Variants in UBE2QL1 observed in about 807,000 individuals in gnomAD.
The protein encoded by UBE2QL1 is ubiquitin conjugating enzyme E2 QL1, also known as ubiquitin-conjugating enzyme E2Q-like protein 1.
A neutral mutation model predicts 12.6 loss-of-function variants in UBE2QL1; 5 were observed. The observed-to-expected ratio is 0.40, with a 90% CI of 0.21 to 0.83. The LOEUF (loss-of-function observed/expected upper bound fraction) is 0.83. UBE2QL1 is among the 40% of genes least tolerant of loss of function. UBE2QL1 has a pLI of 0.37. For missense variants in UBE2QL1, 99 were observed against 222.6 expected (o/e 0.44, Z 3.53); for synonymous variants, 96 against 94.5 (o/e 1.02, Z -0.10).
chr5:6,473,091 C>G (rs1223754930), intron 1 of UBE2QL1, among the ~76,000 whole-genome samples: 3 of 152,188 alleles, frequency 2.0e-5, no homozygotes, highest in African/African-American at 7.2e-5. Context: ...GCTCAGTTCC[C>G]CAATTTTCCT....
chr5:6,458,591 T>C (rs974072077), intron 1 of UBE2QL1, among the ~76,000 whole-genome samples: 14 of 152,230 alleles, frequency 9.2e-5, no homozygotes, highest in African/African-American at 3.4e-4. Context: ...TCAGATTGGG[T>C]GCCCATATTG....
At chr5:6,480,343 A>G (rs1004428062) in intron 1 of UBE2QL1, among the ~76,000 whole-genome samples, 2 of 152,222 alleles carry the variant, frequency 1.3e-5, no homozygotes, top group Non-Finnish European at 2.9e-5. Context: ...GGAGTGTCTC[A>G]GTATGGTTCA....
chr5:6,489,344 A>T (rs1734521846), intron 1 of UBE2QL1, among the ~76,000 whole-genome samples: 1 of 152,046 alleles, frequency 6.6e-6, no homozygotes, highest in African/African-American at 2.4e-5. Context: ...GGATTGTTTG[A>T]GCCCAGGAGT....
In UBE2QL1 at chr5:6,495,782, C is replaced by G. The variant is rs552409118; in HGVS notation, c.*4433C>G. Among the ~76,000 whole-genome samples the G allele has an allele frequency of 2.6e-5, 4 of 152,294 alleles. No homozygotes were observed. The highest frequency in any genetic ancestry group is 9.6e-5 in the African/African-American group (4 of 41,556). On this transcript the variant is annotated 3_prime_UTR_variant, in exon 2 of 2. Coordinates refer to ENST00000399816, the MANE Select transcript of UBE2QL1 (RefSeq NM_001145161.3). ...ACTTTGTAATTTTTTTCTCCAAAGA[C>G]AGTGAAATCATGTACAGCTCTGTTC...
intron 1 of UBE2QL1, 94 bp downstream of exon 1, chr5:6,449,341 G>C: frequency 8.5e-7 from 1 of 1,181,056 alleles, no homozygotes; most frequent in Non-Finnish European, 1.1e-6. Context: ...GCCAGCGCCG[G>C]CCCCTCCGGC....
At chr5:6,461,664 G>T (rs1317018558) in intron 1 of UBE2QL1, among the ~76,000 whole-genome samples, 1 of 151,880 alleles carries the variant, frequency 6.6e-6, no homozygotes, top group Non-Finnish European at 1.5e-5. Context: ...TACTGATCTA[G>T]GTTTGTAATA....
At position 6,461,076 on chromosome 5, in the gene UBE2QL1, G is replaced by A. The variant is rs868611912; in HGVS notation, c.354+11829G>A. On this transcript the variant is annotated intron_variant, in intron 1 of 1. Transcript: ENST00000399816. Reference sequence around the variant, plus strand: ...TCCTTTCTAATATTAATACTTTTACGAAAGATCCTTTCTTTAGTAGAATTT... The same window carrying A: ...TCCTTTCTAATATTAATACTTTTACAAAAGATCCTTTCTTTAGTAGAATTT... Among the ~76,000 whole-genome samples, 18 of 152,242 alleles carry A rather than the reference G, an allele frequency of 1.2e-4. No homozygotes were observed. The South Asian group carries it at 1.9e-3, about 16-fold the overall frequency.
In UBE2QL1 at chr5:6,478,087, A is replaced by G. The variant is rs1384900236; in HGVS notation, c.355-13131A>G. Reference sequence around the variant, plus strand: ...AAGTAAATAATCCATGTAGAGTCTTATTATTGCTGTGCTTTATTGCAAAAA... The same window carrying G: ...AAGTAAATAATCCATGTAGAGTCTTGTTATTGCTGTGCTTTATTGCAAAAA... On this transcript the variant is annotated intron_variant, in intron 1 of 1. Coordinates refer to ENST00000399816, the MANE Select transcript of UBE2QL1 (RefSeq NM_001145161.3). This position sits in a 1 kb window ranked among gnomAD's most constrained non-coding sequence, Gnocchi z 4.5. Among the ~76,000 whole-genome samples, 2 of 152,212 alleles carry G rather than the reference A, an allele frequency of 1.3e-5. No individual in the cohort carries two copies. The highest frequency in any genetic ancestry group is 2.4e-5 in the African/African-American group (1 of 41,458).
Position 6,496,608 on chromosome 5 carries a change from C to T in UBE2QL1, c.*5259C>T, listed in dbSNP as rs1375688795. 3.3e-5 allele frequency among the ~76,000 whole-genome samples: 5 copies of T among 152,080 alleles called. No homozygotes were observed. The highest frequency in any genetic ancestry group is 1.2e-4 in the African/African-American group (5 of 41,392). Reference sequence around the variant, plus strand: ...ATCAACAGGAAAGAAATGTTTACCACTGGAAGATGGTGAGTGCATGAGTCA... The same window carrying T: ...ATCAACAGGAAAGAAATGTTTACCATTGGAAGATGGTGAGTGCATGAGTCA... On this transcript the variant is annotated 3_prime_UTR_variant, in exon 2 of 2. Transcript: ENST00000399816.
chr5:6,456,838 G>C (rs1367914969), intron 1 of UBE2QL1, among the ~76,000 whole-genome samples: 2 of 152,124 alleles, frequency 1.3e-5, no homozygotes, highest in African/African-American at 4.8e-5. Flanking sequence ...GTCTGCAGAA[G>C]CCAGAAGAAG....
intron 1 of UBE2QL1, among the ~76,000 whole-genome samples, chr5:6,466,724 A>T (rs950919246): frequency 2.6e-5 from 4 of 152,252 alleles, no homozygotes; most frequent in African/African-American, 9.6e-5. Context: ...CTTTCTGGTG[A>T]TGCTGACTGC....
rs1398037284 is a variant in UBE2QL1 at position 6,479,658 on chromosome 5, C to T, written c.355-11560C>T. 6.6e-6 allele frequency among the ~76,000 whole-genome samples: 1 copy of T among 152,202 alleles called. No homozygotes were observed. The highest frequency in any genetic ancestry group is 1.5e-5 in the Non-Finnish European group (1 of 68,036). The stretch of plus-strand genomic sequence containing the variant: ...TGATCTCACAAGGAGAAAACACAGA[C>T]CGGGGGTCTCCTTTGTGCTGAGTAA... On this transcript the variant is annotated intron_variant, in intron 1 of 1. Coordinates refer to ENST00000399816, the MANE Select transcript of UBE2QL1 (RefSeq NM_001145161.3). This position sits in a 1 kb window ranked among gnomAD's most constrained non-coding sequence, Gnocchi z 4.2.
intron 1 of UBE2QL1, among the ~76,000 whole-genome samples, chr5:6,468,691 C>G (rs143236116): frequency 6.6e-6 from 1 of 152,152 alleles, no homozygotes; most frequent in Admixed American, 6.5e-5. Flanking sequence ...TTCTGAAAGC[C>G]TTCAATTCTA....
intron 1 of UBE2QL1, among the ~76,000 whole-genome samples, chr5:6,455,024 T>TG (rs1300858315): frequency 6.6e-6 from 1 of 152,094 alleles, no homozygotes; most frequent in Non-Finnish European, 1.5e-5. Flanking sequence ...CCGGGGTGCA[T>TG]GGGGCAGCTC....
At chr5:6,463,510 C>G (rs929209242) in intron 1 of UBE2QL1, among the ~76,000 whole-genome samples, 1 of 151,876 alleles carries the variant, frequency 6.6e-6, no homozygotes, top group African/African-American at 2.4e-5. Flanking sequence ...ATCACCACCC[C>G]CTCCCCACAT....
intron 1 of UBE2QL1, among the ~76,000 whole-genome samples, chr5:6,467,586 G>A (rs528084455): frequency 6.6e-6 from 1 of 152,270 alleles, no homozygotes; most frequent in East Asian, 1.9e-4. Context: ...GAGGTGCTGA[G>A]GGCTGGGACT....
At chr5:6,465,530 A>G (rs1739766398) in intron 1 of UBE2QL1, among the ~76,000 whole-genome samples, 1 of 152,176 alleles carries the variant, frequency 6.6e-6, no homozygotes, top group African/African-American at 2.4e-5. Context: ...ACCCAATCTC[A>G]GGATCCAGTG....
intron 1 of UBE2QL1, among the ~76,000 whole-genome samples, chr5:6,489,424 TAAAAAA>T (rs755544915): frequency 9.2e-6 from 1 of 108,530 alleles, no homozygotes; most frequent in South Asian, 2.5e-4. Flanking sequence ...ATCCTGTCTG[TAAAAAA>T]AAAAAAGAAA....
chr5:6,469,628 G>A (rs1739867591), intron 1 of UBE2QL1, among the ~76,000 whole-genome samples: 1 of 150,294 alleles, frequency 6.7e-6, no homozygotes, highest in South Asian at 2.1e-4. Flanking sequence ...GAAAATGTAT[G>A]TTTAAAGTAG....
Sources: allele counts gnomAD v4.1 joint callset (sites outside exome capture counted in the v4.1 genomes callset), GRCh38; gene constraint gnomAD v4.1.1; non-coding constraint Gnocchi (gnomAD v3.1); transcripts MANE v1.5; gene names NCBI Gene and HGNC (gene_info 2026-07-23, HGNC 2026-07-21).